The following SIAE variants were observed in gnomAD, a reference collection of about 807,000 sequenced individuals.
SIAE encodes the protein sialic acid acetylesterase.
In SIAE, 39 loss-of-function variants were observed where a neutral mutation model predicts 52.6. The observed-to-expected ratio is 0.74, with a 90% CI of 0.57 to 0.97. The LOEUF is 0.97. Among genes scored for constraint, SIAE ranks in the 50% least tolerant of loss-of-function variants. The probability of loss-of-function intolerance (pLI) is 0.00; values close to 1 mark genes in which losing one functional copy is unlikely to be tolerated. For missense variants in SIAE, 592 were observed against 662.1 expected, an observed-to-expected ratio of 0.89 and a Z score of 1.16; for synonymous variants, 233 against 241.4, an observed-to-expected ratio of 0.97 and a Z score of 0.32.
At chr11:124,658,467 G>A (rs777849885) in intron 3 of SIAE, among the ~76,000 whole-genome samples, 5 of 152,088 alleles carry the variant, frequency 3.3e-5, no homozygotes, top group Non-Finnish European at 7.4e-5. Flanking sequence ...AAGTAGGAAT[G>A]TGGGGAGTTC....
At chr11:124,665,150 C>A (rs1285832397) in intron 2 of SIAE, among the ~76,000 whole-genome samples, 1 of 152,184 alleles carries the variant, frequency 6.6e-6, no homozygotes, top group East Asian at 1.9e-4. Flanking sequence ...GGTGACACCC[C>A]AAAGTCACAT....
Position 124,670,479 on chromosome 11 carries a change from A to G in SIAE, c.68-958T>C, listed in dbSNP as rs1943336033. 6.6e-6 allele frequency among the ~76,000 whole-genome samples: 1 copy of G among 152,254 alleles called. No homozygotes were observed. Among genetic ancestry groups the G allele is most frequent in the African/African-American group, 2.4e-5 (1 of 41,464 alleles). ...AACAAGGAAAAAAATAAAACAAATT[A>G]TATCCCAATTTATCTGAATAAAACA... On this transcript the variant is annotated intron_variant, in intron 1 of 9. Transcript: ENST00000263593. This position sits in a 1 kb window ranked among gnomAD's most constrained non-coding sequence, Gnocchi z 4.5.
Position 124,645,008 on chromosome 11 carries a change from G to C in SIAE, c.966+2357C>G, listed in dbSNP as rs1428584784. Among the ~76,000 whole-genome samples the C allele has an allele frequency of 1.3e-5, 2 of 152,010 alleles. No individual in the cohort carries two copies. Among genetic ancestry groups the C allele is most frequent in the Non-Finnish European group, 2.9e-5 (2 of 68,024 alleles). On this transcript the variant is annotated intron_variant, in intron 7 of 9. Coordinates refer to ENST00000263593, the MANE Select transcript of SIAE (RefSeq NM_170601.5). The surrounding 1 kb of genome is among the most constrained non-coding windows in gnomAD (Gnocchi z 4.7). ...CACTAACATTATCTGGTATGTTCCC[G>C]GCTTTCCATGGATGAACTCATTCAA...
intron 7 of SIAE, among the ~76,000 whole-genome samples, chr11:124,641,114 G>T (rs148135503): frequency 0.013 from 2,013 of 152,252 alleles, 26 homozygotes; most frequent in Non-Finnish European, 0.02. Context: ...CTACACATAA[G>T]AAATAAACAT....
chr11:124,671,435 C>T (rs1445470447), intron 1 of SIAE, among the ~76,000 whole-genome samples: 1 of 152,176 alleles, frequency 6.6e-6, no homozygotes, highest in Non-Finnish European at 1.5e-5. Context: ...AGAGACTTTA[C>T]CTGTGGCAGG....
In SIAE at chr11:124,635,561, A is replaced by AAAT. The variant is rs1942711707; in HGVS notation, c.*1387_*1389dup. ...CATAGTGAATTCCACATAATGTTTT[A>AAAT]AATTATTCAGCCACTAAAAATAAAT... On this transcript the variant is annotated 3_prime_UTR_variant, in exon 10 of 10. Transcript: ENST00000263593. The AAAT allele has an allele frequency of 1.3e-5, 2 of 152,222 alleles. No individual in the cohort carries two copies. The highest frequency in any genetic ancestry group is 4.1e-4 in the South Asian group (2 of 4,836). The allele number at this position is 152,222 out of a possible 1,614,324, so 9.4% of individuals were successfully genotyped here. A position where few individuals can be genotyped will look rare whatever the true frequency, so the allele number is the denominator to read the frequency against.
rs1287845432 is a variant in SIAE at position 124,642,700 on chromosome 11, T to C, written c.967-2833A>G. ...AACCAATAGGCTATGGCAAAGGTAA[T>C]GGGATATCACTCCTGTGATTATGTT... On this transcript the variant is annotated intron_variant, in intron 7 of 9. Coordinates refer to ENST00000263593, the MANE Select transcript of SIAE (RefSeq NM_170601.5). 2.0e-5 allele frequency among the ~76,000 whole-genome samples: 3 copies of C among 152,200 alleles called. No individual in the cohort carries two copies. In the East Asian group the frequency reaches 5.8e-4, roughly 29 times the overall value.
intron 1 of SIAE, 168 bp from the exon 2 acceptor site, chr11:124,669,689 A>G (rs1943322322): frequency 1.5e-6 from 1 of 684,528 alleles, no homozygotes. Context: ...TAGGCAAGCA[A>G]CATAACAAGA....
chr11:124,641,959 C>CAAAAAA (rs11327177), intron 7 of SIAE, among the ~76,000 whole-genome samples: 16 of 39,066 alleles, frequency 4.1e-4, no homozygotes, highest in East Asian at 7.3e-4. Flanking sequence ...GACTCCATCT[C>CAAAAAA]AAAAAAAAAA....
intron 6 of SIAE, 89 bp downstream of exon 6, chr11:124,647,977 T>C: frequency 9.9e-7 from 1 of 1,014,530 alleles, no homozygotes; most frequent in Non-Finnish European, 1.6e-6. Flanking sequence ...ATAAAGTTAT[T>C]GTTGCTTTAA....
At chr11:124,666,764 T>C (rs1031721194) in intron 2 of SIAE, among the ~76,000 whole-genome samples, 1 of 152,240 alleles carries the variant, frequency 6.6e-6, no homozygotes, top group Non-Finnish European at 1.5e-5. Flanking sequence ...GCACTATTTG[T>C]ATTCTTCTTT....
At chr11:124,656,163 A>C (rs7939501) in intron 3 of SIAE, among the ~76,000 whole-genome samples, 9 of 152,228 alleles carry the variant, frequency 5.9e-5, no homozygotes, top group African/African-American at 2.2e-4. Flanking sequence ...CAAAATCTGA[A>C]ACACTTCCAA....
intron 3 of SIAE, among the ~76,000 whole-genome samples, chr11:124,655,604 G>A (rs1192059247): frequency 6.6e-6 from 1 of 152,188 alleles, no homozygotes; most frequent in Non-Finnish European, 1.5e-5. Context: ...AGACATGACT[G>A]TTGAACTACT....
chr11:124,667,046 T>C (rs1182231148), intron 2 of SIAE, among the ~76,000 whole-genome samples: 1 of 152,274 alleles, frequency 6.6e-6, no homozygotes, highest in Non-Finnish European at 1.5e-5. Context: ...TAATATTGTA[T>C]GCTTTCTGTA....
chr11:124,671,367 AAATAAT>A (rs150390212), intron 1 of SIAE, among the ~76,000 whole-genome samples: 4,490 of 152,206 alleles, frequency 0.029, 193 homozygotes, highest in African/African-American at 0.1. Flanking sequence ...AACGATGAAA[AAATAAT>A]AATAATAATA....
intron 4 of SIAE, among the ~76,000 whole-genome samples, chr11:124,653,723 G>A (rs762763343): frequency 6.6e-6 from 1 of 152,214 alleles, no homozygotes; most frequent in East Asian, 1.9e-4. Flanking sequence ...GGAGAAAGAT[G>A]AAGCATCTGT....
At position 124,642,836 on chromosome 11, in the gene SIAE, G is replaced by A. The variant is rs144181469; in HGVS notation, c.967-2969C>T. ...ATCATGGTGAGCCTGACCTAATCAG[G>A]TGAGTCCTTTCAAAGAGGGTCTAGA... is the stretch of plus-strand genomic sequence containing the variant. On this transcript the variant is annotated intron_variant, in intron 7 of 9. Coordinates refer to ENST00000263593, the MANE Select transcript of SIAE (RefSeq NM_170601.5). Among the ~76,000 whole-genome samples, 335 of 152,290 alleles carry A rather than the reference G, an allele frequency of 2.2e-3. 1 individual carries two copies. Among genetic ancestry groups the A allele is most frequent in the Admixed American group, 3.4e-3 (52 of 15,292 alleles).
chr11:124,672,145 C>T (rs1372895558), intron 1 of SIAE, among the ~76,000 whole-genome samples: 1 of 152,002 alleles, frequency 6.6e-6, no homozygotes, highest in Non-Finnish European at 1.5e-5. Context: ...ACTCCTGACT[C>T]TAAGTGATCC....
intron 3 of SIAE, among the ~76,000 whole-genome samples, chr11:124,656,843 G>C (rs1369551230): frequency 6.6e-6 from 1 of 152,128 alleles, no homozygotes; most frequent in Non-Finnish European, 1.5e-5. Context: ...CAGCTGAGTC[G>C]GGGCTGCCAC....
Sources: gnomAD v4.1 joint callset for allele counts (sites outside exome capture counted in the v4.1 genomes callset) on GRCh38, gnomAD v4.1.1 for gene constraint, Gnocchi (gnomAD v3.1) non-coding constraint, MANE v1.5 for transcripts, NCBI Gene and HGNC (gene_info 2026-07-23, HGNC 2026-07-21) for gene names.